ANOS1: variants seen among roughly 807,000 people sequenced by gnomAD.
ANOS1 encodes anosmin-1.
Under a neutral mutation model 59.0 loss-of-function variants are expected in ANOS1, and 6 were observed. That is an observed-to-expected ratio of 0.10 (90% CI 0.06 to 0.20). The LOEUF (loss-of-function observed/expected upper bound fraction) is 0.20, where lower values mean the gene tolerates loss of function less well. Among genes scored for constraint, ANOS1 ranks in the 10% least tolerant of loss-of-function variants. The probability of loss-of-function intolerance (pLI) is 1.00; values close to 1 mark genes in which losing one functional copy is unlikely to be tolerated. For synonymous variants in ANOS1, 217 were observed against 223.4 expected (o/e 0.97, Z 0.25); for missense variants, 433 against 542.3 (o/e 0.80, Z 2.00).
chrX:8,598,296 T>A (rs1930779586), intron 3 of ANOS1, among the ~76,000 whole-genome samples: 1 of 111,801 alleles, frequency 8.9e-6, no homozygotes, highest in Admixed American at 9.5e-5. Context: ...GCCCTGGACT[T>A]ATTAGAGGAA....
At position 8,545,409 on chromosome X, in the gene ANOS1, A is replaced by AAGGAAGGAAGGAAGGAAGGAAGGC. The variant is rs745936247; in HGVS notation, c.1355-5652_1355-5651insGCCTTCCTTCCTTCCTTCCTTCCT. On this transcript the variant is annotated intron_variant, in intron 9 of 13. Transcript: ENST00000262648. ...GAAGGAAGGAAGGAAGGAAGGAAGG[A>AAGGAAGGAAGGAAGGAAGGAAGGC]AGGCAGGCAGGCAGGCAGGCAGGCC... is the stretch of plus-strand genomic sequence containing the variant. Among the ~76,000 whole-genome samples the AAGGAAGGAAGGAAGGAAGGAAGGC allele has an allele frequency of 3.5e-3, 367 of 104,579 alleles. 2 individuals carry two copies. Among genetic ancestry groups the AAGGAAGGAAGGAAGGAAGGAAGGC allele is most frequent in the African/African-American group, 0.012 (347 of 28,671 alleles). 90.8% of individuals were successfully genotyped at this position (104,579 alleles called of 115,157 possible).
At chrX:8,604,791 A>G (rs1022956597) in intron 3 of ANOS1, among the ~76,000 whole-genome samples, 4 of 112,651 alleles carry the variant, frequency 3.6e-5, no homozygotes, top group Non-Finnish European at 7.5e-5. Context: ...TAAAGCACTG[A>G]CATTCTAAAC....
intron 2 of ANOS1, among the ~76,000 whole-genome samples, chrX:8,648,564 A>T (rs956967337): frequency 8.9e-6 from 1 of 111,751 alleles, no homozygotes; most frequent in African/African-American, 3.3e-5. Flanking sequence ...AAACACTCAA[A>T]TAACTATTTG....
intron 3 of ANOS1, among the ~76,000 whole-genome samples, chrX:8,597,959 T>C (rs1323921507): frequency 9.0e-6 from 1 of 111,316 alleles, no homozygotes; most frequent in Non-Finnish European, 1.9e-5. Context: ...CATGAGCCAT[T>C]GCACCTGGCT....
chrX:8,702,820 G>C (rs773928056), intron 1 of ANOS1, among the ~76,000 whole-genome samples: 10 of 111,870 alleles, frequency 8.9e-5, no homozygotes, highest in Non-Finnish European at 1.7e-4. Context: ...AAGAGACTCA[G>C]GGCTGAAGTG....
chrX:8,534,022 G>A (rs1374883961), intron 13 of ANOS1, among the ~76,000 whole-genome samples: 1 of 107,624 alleles, frequency 9.3e-6, no homozygotes, highest in African/African-American at 3.4e-5. Flanking sequence ...AGGAGGGAGG[G>A]AGAGAGGATG....
At chrX:8,687,476 C>G (rs7054213) in intron 2 of ANOS1, among the ~76,000 whole-genome samples, 5 of 107,783 alleles carry the variant, frequency 4.6e-5, no homozygotes, top group Non-Finnish European at 9.6e-5. Flanking sequence ...AAAAAGCAAC[C>G]CACTTCCTGC....
chrX:8,577,019 G>A (rs1051725365), intron 6 of ANOS1, among the ~76,000 whole-genome samples: 1 of 111,382 alleles, frequency 9.0e-6, no homozygotes, highest in African/African-American at 3.3e-5. Context: ...CAGACAATAT[G>A]TAAACAAATG....
At chrX:8,576,974 C>G (rs1258130005) in intron 6 of ANOS1, among the ~76,000 whole-genome samples, 3 of 110,242 alleles carry the variant, frequency 2.7e-5, no homozygotes, top group Admixed American at 1.9e-4. Flanking sequence ...CCGTTACAAT[C>G]ACTCAACTCT....
chrX:8,684,250 C>T (rs1386682074), intron 2 of ANOS1, among the ~76,000 whole-genome samples: 1 of 111,577 alleles, frequency 9.0e-6, no homozygotes, highest in Non-Finnish European at 1.9e-5. Context: ...TTTGAAGGGC[C>T]TTCACAACAG....
intron 3 of ANOS1, among the ~76,000 whole-genome samples, chrX:8,606,550 T>C (rs1322195688): frequency 8.9e-6 from 1 of 112,145 alleles, no homozygotes; most frequent in Non-Finnish European, 1.9e-5. Context: ...CTTTATAATA[T>C]TTTGGGGTGT....
chrX:8,664,954 C>T (rs1346736678), intron 2 of ANOS1, among the ~76,000 whole-genome samples: 1 of 111,843 alleles, frequency 8.9e-6, no homozygotes, highest in Non-Finnish European at 1.9e-5. Flanking sequence ...TCGTCTCCCC[C>T]AGGGCTCTCT....
intron 9 of ANOS1, among the ~76,000 whole-genome samples, chrX:8,547,958 G>A (rs1451167758): frequency 2.7e-5 from 3 of 111,586 alleles, no homozygotes; most frequent in Non-Finnish European, 3.8e-5. Context: ...CTCATGATCC[G>A]CCCGCCTTGG....
intron 2 of ANOS1, among the ~76,000 whole-genome samples, chrX:8,645,419 G>T (rs12388194): frequency 0.2 from 21,790 of 110,737 alleles, 3,045 homozygotes; most frequent in African/African-American, 0.49. Flanking sequence ...TCAGACCCCA[G>T]GCTCAAAACA....
chrX:8,559,355 T>C (rs1323480158), intron 8 of ANOS1, among the ~76,000 whole-genome samples: 1 of 29,633 alleles, frequency 3.4e-5, no homozygotes, highest in Non-Finnish European at 8.2e-5. Context: ...TTCCCTATTG[T>C]CCATTAAAAG....
Position 8,529,573 on chromosome X carries a change from C to A in ANOS1, c.*3422G>T, listed in dbSNP as rs1929464358. Reference sequence around the variant, plus strand: ...GTACTTGTATGATACAGACACGAGTCAAAATTCCGTCTTTTAATCAAGTTG... The same window carrying A: ...GTACTTGTATGATACAGACACGAGTAAAAATTCCGTCTTTTAATCAAGTTG... On this transcript the variant is annotated 3_prime_UTR_variant, in exon 14 of 14. Transcript: ENST00000262648. 8.9e-6 allele frequency: 1 copy of A among 111,853 alleles called. No individual in the cohort carries two copies. The highest frequency in any genetic ancestry group is 1.9e-5 in the Non-Finnish European group (1 of 53,205). 9.2% of individuals were successfully genotyped at this position (111,853 alleles called of 1,213,427 possible). A position where few individuals can be genotyped will look rare whatever the true frequency, so the allele number is the denominator to read the frequency against.
chrX:8,576,517 CAT>C (rs1263631697), intron 6 of ANOS1, among the ~76,000 whole-genome samples: 1 of 107,651 alleles, frequency 9.3e-6, no homozygotes, highest in African/African-American at 3.5e-5. Context: ...CACACACACA[CAT>C]ATATAGATGT....
chrX:8,598,489 T>C (rs1334086035), intron 3 of ANOS1, among the ~76,000 whole-genome samples: 2 of 111,805 alleles, frequency 1.8e-5, no homozygotes, highest in African/African-American at 6.5e-5. Flanking sequence ...AGCTGTCCCA[T>C]CCAGGGAAAG....
At chrX:8,563,116 A>G (rs866180998) in intron 8 of ANOS1, among the ~76,000 whole-genome samples, 11 of 112,314 alleles carry the variant, frequency 9.8e-5, no homozygotes, top group African/African-American at 2.9e-4. Context: ...TGAAAAGTCA[A>G]TCTCTTCTGT....
Sources: gnomAD v4.1 joint callset for allele counts (sites outside exome capture counted in the v4.1 genomes callset) on GRCh38, gnomAD v4.1.1 for gene constraint, MANE v1.5 for transcripts, NCBI Gene and HGNC (gene_info 2026-07-23, HGNC 2026-07-21) for gene names.